Variants in PKHD1 observed in about 807,000 individuals in gnomAD.
PKHD1 encodes PKHD1 ciliary IPT domain containing fibrocystin/polyductin, also known as fibrocystin.
Under a neutral mutation model 412.0 loss-of-function variants are expected in PKHD1, and 291 were observed. The observed-to-expected ratio is 0.71, with a 90% CI of 0.64 to 0.78. The LOEUF (loss-of-function observed/expected upper bound fraction) is 0.78, where lower values mean the gene tolerates loss of function less well. Ranked by LOEUF, PKHD1 falls within the 30% of genes least tolerant of loss-of-function variation. The pLI is 0.00. For synonymous variants in PKHD1, 1,777 were observed against 1,821.5 expected, an observed-to-expected ratio of 0.98 and a Z score of 0.62; for missense variants, 4,825 against 4,950.7, an observed-to-expected ratio of 0.97 and a Z score of 0.76.
intron 36 of PKHD1, among the ~76,000 whole-genome samples, chr6:51,943,403 A>G (rs1218109642): frequency 1.3e-5 from 2 of 151,122 alleles, no homozygotes; most frequent in African/African-American, 4.8e-5. Context: ...CCAAAAAAAA[A>G]AAAAACTCAT....
intron 43 of PKHD1, among the ~76,000 whole-genome samples, chr6:51,899,119 C>T (rs951389979): frequency 6.6e-6 from 1 of 152,190 alleles, no homozygotes; most frequent in Non-Finnish European, 1.5e-5. Flanking sequence ...CCTTCTGAAA[C>T]TATTCCAATC....
chr6:51,790,298 A>G (rs941758004), intron 53 of PKHD1, among the ~76,000 whole-genome samples: 1 of 152,182 alleles, frequency 6.6e-6, no homozygotes, highest in South Asian at 2.1e-4. Flanking sequence ...TTCAGCATTT[A>G]TACCTATTGC....
intron 60 of PKHD1, among the ~76,000 whole-genome samples, chr6:51,734,516 T>G (rs1280898471): frequency 6.6e-6 from 1 of 152,142 alleles, no homozygotes; most frequent in Non-Finnish European, 1.5e-5. Context: ...ACATTTACCT[T>G]GAAGTCACTC....
At chr6:51,885,476 A>G (rs1486640111) in intron 45 of PKHD1, among the ~76,000 whole-genome samples, 5 of 152,130 alleles carry the variant, frequency 3.3e-5, no homozygotes, top group African/African-American at 9.7e-5. Context: ...TTGTACTACT[A>G]ACCAATTGTG....
Position 51,912,594 on chromosome 6 carries a change from A to C in PKHD1, c.6122-18T>G, listed in dbSNP as rs1013563529. 6.5e-7 allele frequency: 1 copy of C among 1,528,394 alleles called. No individual in the cohort carries two copies. The highest frequency in any genetic ancestry group is 1.4e-5 in the African/African-American group (1 of 73,184). 94.7% of individuals were successfully genotyped at this position (1,528,394 alleles called of 1,614,324 possible). ...TAGTGAACCTAAAGCAGCCCGAGGA[A>C]AAGTTGTCCAGATAATTTAATCATT... is the stretch of plus-strand genomic sequence containing the variant. On this transcript the variant is annotated intron_variant, in intron 37 of 66. Coordinates refer to ENST00000371117, the MANE Select transcript of PKHD1 (RefSeq NM_138694.4).
At chr6:52,081,098 CCAAT>C (rs1811962967) in intron 4 of PKHD1, among the ~76,000 whole-genome samples, 1 of 152,060 alleles carries the variant, frequency 6.6e-6, no homozygotes, top group African/African-American at 2.4e-5. Context: ...TATTTGTCTT[CCAAT>C]CAATTAGTAT....
chr6:52,083,279 T>C (rs765457220), intron 2 of PKHD1, 24 bp from the exon 3 acceptor site: 15 of 1,519,360 alleles, frequency 9.9e-6, no homozygotes, highest in Middle Eastern at 3.4e-4. Flanking sequence ...AAAAAAAACA[T>C]TGGTTTTGAA....
chr6:51,766,035 C>T (rs567906513), intron 55 of PKHD1, among the ~76,000 whole-genome samples: 22 of 152,134 alleles, frequency 1.4e-4, no homozygotes, highest in South Asian at 4.1e-4. Flanking sequence ...CTACATAACC[C>T]GCCCCTTCAC....
chr6:51,919,486 A>G (rs1784350732), intron 37 of PKHD1, among the ~76,000 whole-genome samples: 1 of 152,126 alleles, frequency 6.6e-6, no homozygotes, highest in African/African-American at 2.4e-5. Flanking sequence ...CCATTGGTCT[A>G]TATCTCTGTT....
intron 63 of PKHD1, among the ~76,000 whole-genome samples, chr6:51,642,539 G>C (rs1046991793): frequency 6.6e-6 from 1 of 152,030 alleles, no homozygotes; most frequent in African/African-American, 2.4e-5. Context: ...GGCAAGGTAA[G>C]GGATATAAGT....
At chr6:51,931,594 G>A (rs1032882793) in intron 37 of PKHD1, among the ~76,000 whole-genome samples, 4 of 152,124 alleles carry the variant, frequency 2.6e-5, no homozygotes, top group Admixed American at 2.0e-4. Flanking sequence ...CATCAGGAAA[G>A]GAATCCCTGT....
At chr6:51,743,202 G>C (rs72899397) in intron 60 of PKHD1, among the ~76,000 whole-genome samples, 23,164 of 152,062 alleles carry the variant, frequency 0.15, 2,443 homozygotes, top group East Asian at 0.45. Flanking sequence ...GAAGAAAGAA[G>C]ACCAGCAAGG....
intron 66 of PKHD1, among the ~76,000 whole-genome samples, chr6:51,626,300 C>T (rs1767232748): frequency 6.6e-6 from 1 of 152,028 alleles, no homozygotes; most frequent in South Asian, 2.1e-4. Context: ...CGTTTCAGGC[C>T]CATGGAAATT....
chr6:51,735,913 G>A (rs1352983884), intron 60 of PKHD1, among the ~76,000 whole-genome samples: 1 of 152,080 alleles, frequency 6.6e-6, no homozygotes, highest in African/African-American at 2.4e-5. Context: ...TGGCCTGGGC[G>A]ACAGAGTGAG....
intron 35 of PKHD1, among the ~76,000 whole-genome samples, chr6:52,005,388 CCCA>C (rs1356460730): frequency 6.6e-6 from 1 of 152,212 alleles, no homozygotes; most frequent in East Asian, 1.9e-4. Context: ...CCAATCCTAG[CCCA>C]CCTTTCCAAA....
intron 60 of PKHD1, among the ~76,000 whole-genome samples, chr6:51,662,147 T>G (rs533115923): frequency 2.7e-4 from 41 of 152,048 alleles, no homozygotes; most frequent in African/African-American, 9.6e-4. Flanking sequence ...AAAACAGTAC[T>G]TTTATGGGAA....
chr6:52,068,613 T>C (rs190319784), intron 11 of PKHD1, among the ~76,000 whole-genome samples: 89 of 152,364 alleles, frequency 5.8e-4, no homozygotes, highest in Non-Finnish European at 4.3e-4. Flanking sequence ...ATCCATCTCA[T>C]AGTTAAGTGA....
intron 61 of PKHD1, 138 bp from the exon 62 acceptor site, chr6:51,649,358 G>A (rs186829805): frequency 4.3e-6 from 3 of 690,656 alleles, no homozygotes; most frequent in South Asian, 3.3e-5. Flanking sequence ...ATTGTGTAGT[G>A]AACATGGCTT....
intron 33 of PKHD1, 95 bp from the exon 34 acceptor site, chr6:52,017,724 C>A: frequency 1.1e-6 from 1 of 887,944 alleles, no homozygotes; most frequent in Non-Finnish European, 1.9e-6. Flanking sequence ...CTCCTTTGAC[C>A]AATAGGAATA....
Sources: allele counts gnomAD v4.1 joint callset (sites outside exome capture counted in the v4.1 genomes callset), GRCh38; gene constraint gnomAD v4.1.1; transcripts MANE v1.5; gene names NCBI Gene and HGNC (gene_info 2026-07-23, HGNC 2026-07-21).